METTL8: variants seen among roughly 807,000 people sequenced by gnomAD.
METTL8 encodes the protein methyltransferase 8, tRNA N3-cytidine.
In METTL8, 32 loss-of-function variants were observed where a neutral mutation model predicts 48.7. The observed-to-expected ratio is 0.66, with a 90% CI of 0.50 to 0.88. The LOEUF is 0.88. Among genes scored for constraint, METTL8 ranks in the 40% least tolerant of loss-of-function variants. The pLI is 0.00. For synonymous variants in METTL8, 136 were observed against 157.1 expected (o/e 0.87, Z 1.01); for missense variants, 464 against 474.4 (o/e 0.98, Z 0.20).
At position 171,322,312 on chromosome 2, in the gene METTL8, G is replaced by C. The variant is rs1175187108; in HGVS notation, c.*1860C>G. 1 of 151,896 alleles carries C rather than the reference G, an allele frequency of 6.6e-6. No homozygotes were observed. The highest frequency in any genetic ancestry group is 2.4e-5 in the African/African-American group (1 of 41,348). The allele number at this position is 151,896 out of a possible 1,614,324, so 9.4% of individuals were successfully genotyped here. On this transcript the variant is annotated 3_prime_UTR_variant, in exon 10 of 10. Coordinates refer to ENST00000375258, the MANE Select transcript of METTL8 (RefSeq NM_001321154.2). ...ACTGCCACAATTTAAGAATTCTCTT[G>C]GGTATGACAGTTGTCTTAAACAGAG...
intron 3 of METTL8, among the ~76,000 whole-genome samples, chr2:171,357,495 A>G (rs1575824030): frequency 1.3e-5 from 2 of 152,352 alleles, no homozygotes; most frequent in Middle Eastern, 6.8e-3. Context: ...AAATCTATAC[A>G]GGAAAACTAT....
rs1688625023 is a variant in METTL8, at chr2:171,392,052, T to C, written c.134A>G (p.His45Arg). 10 of 1,551,266 alleles carry C rather than the reference T, an allele frequency of 6.4e-6. No individual in the cohort carries two copies. Among genetic ancestry groups the C allele is most frequent in the Non-Finnish European group, 8.7e-6 (10 of 1,146,868 alleles). ...TAAAAAGAAAACTCACCACATGTTG[T>C]GTTCAAAAACTTTGGCTGGGTCAGT... ...ILTDPAKVFE[H>R]NMWDHMQWSK... The change falls in exon 2 of 10, where the codon CAC (histidine) becomes CGC (arginine). Residue 45 changes from histidine to arginine, a missense_variant. Coordinates refer to ENST00000375258, the MANE Select transcript of METTL8 (RefSeq NM_001321154.2).
At chr2:171,377,445 C>A (rs1687087750) in intron 2 of METTL8, among the ~76,000 whole-genome samples, 1 of 152,142 alleles carries the variant, frequency 6.6e-6, no homozygotes, top group Admixed American at 6.6e-5. Flanking sequence ...GCAGAGTAAA[C>A]AGACAACCCA....
At chr2:171,351,660 C>T (rs1575800101) in intron 3 of METTL8, among the ~76,000 whole-genome samples, 2 of 152,158 alleles carry the variant, frequency 1.3e-5, no homozygotes, top group East Asian at 3.8e-4. Flanking sequence ...TGGTAGTTCT[C>T]CTTGAAGAGG....
intron 3 of METTL8, among the ~76,000 whole-genome samples, chr2:171,356,952 A>ATGTTTTTTTTTTGTTTTTTTTTTT: frequency 3.8e-5 from 3 of 78,468 alleles, no homozygotes; most frequent in African/African-American, 4.5e-5. Flanking sequence ...CAAAGACAAT[A>ATGTTTTTTTTTTGTTTTTTTTTTT]TTTTTTTTTT....
intron 1 of METTL8, among the ~76,000 whole-genome samples, chr2:171,407,120 T>C (rs190011196): frequency 6.6e-6 from 1 of 152,160 alleles, no homozygotes; most frequent in East Asian, 1.9e-4. Flanking sequence ...AAGCCCATGC[T>C]GACTGGGAAA....
rs980293628 is a variant in METTL8, at chr2:171,323,595, A to G, written c.*577T>C. The stretch of plus-strand genomic sequence containing the variant: ...TGTCAGCATGGGCTGTACTTCCCCA[A>G]TTTTAGGAAAGGAAAGAGGAACTAA... On this transcript the variant is annotated 3_prime_UTR_variant, in exon 10 of 10. Coordinates refer to ENST00000375258, the MANE Select transcript of METTL8 (RefSeq NM_001321154.2). 4 of 152,134 alleles carry G rather than the reference A, an allele frequency of 2.6e-5. No homozygotes were observed. The highest frequency in any genetic ancestry group is 6.5e-5 in the Admixed American group (1 of 15,278). 9.4% of individuals were successfully genotyped at this position (152,134 alleles called of 1,614,324 possible).
intron 1 of METTL8, among the ~76,000 whole-genome samples, chr2:171,400,103 G>C (rs529974065): frequency 1.3e-5 from 2 of 151,688 alleles, no homozygotes; most frequent in Non-Finnish European, 2.9e-5. Context: ...CTTATATACA[G>C]TATATTATCT....
upstream of METTL8, chr2:171,434,116 C>A (rs1383495740): frequency 5.9e-6 from 2 of 339,278 alleles, no homozygotes; most frequent in East Asian, 8.7e-5. Flanking sequence ...GAAGCGCGCC[C>A]GCAAGACAGC....
At chr2:171,356,952 A>ATGTTTTGTTTTTTTTTTTTTTT in intron 3 of METTL8, among the ~76,000 whole-genome samples, 5 of 78,468 alleles carry the variant, frequency 6.4e-5, no homozygotes, top group Non-Finnish European at 9.7e-5. Context: ...CAAAGACAAT[A>ATGTTTTGTTTTTTTTTTTTTTT]TTTTTTTTTT....
At chr2:171,416,793 C>T (rs72882305) in intron 1 of METTL8, among the ~76,000 whole-genome samples, 17,065 of 152,244 alleles carry the variant, frequency 0.11, 1,217 homozygotes, top group Middle Eastern at 0.2. Flanking sequence ...GTCACATAGC[C>T]ACAAGAGCCC....
intron 2 of METTL8, among the ~76,000 whole-genome samples, chr2:171,389,469 C>T (rs1180959902): frequency 1.5e-5 from 2 of 137,182 alleles, no homozygotes; most frequent in Non-Finnish European, 1.5e-5. Context: ...GAACCGTGAC[C>T]ACACCACTGC....
chr2:171,338,966 TA>T (rs893888082), intron 4 of METTL8, among the ~76,000 whole-genome samples: 9 of 151,784 alleles, frequency 5.9e-5, no homozygotes, highest in East Asian at 3.9e-4. Flanking sequence ...TTTTTTTTTT[TA>T]AAAACCAGCA....
chr2:171,325,663 A>G (rs1684873971), intron 9 of METTL8, among the ~76,000 whole-genome samples, 178 bp downstream of exon 9: 1 of 152,238 alleles, frequency 6.6e-6, no homozygotes, highest in East Asian at 1.9e-4. Context: ...AAGATTAAAC[A>G]GTAAACGGCC....
intron 7 of METTL8, chr2:171,326,436 A>G (rs562584425): frequency 1.2e-4 from 37 of 313,292 alleles, no homozygotes; most frequent in African/African-American, 7.6e-4. Flanking sequence ...AAACTTCAAA[A>G]CCACAGATGT....
upstream of METTL8, chr2:171,434,767 G>A (rs1390457876): frequency 7.2e-7 from 1 of 1,390,238 alleles, no homozygotes; most frequent in Non-Finnish European, 9.2e-7. Context: ...AGCCTCCTGC[G>A]GGGATGCGGT....
chr2:171,338,775 G>C (rs1353032291), intron 4 of METTL8, among the ~76,000 whole-genome samples: 1 of 151,850 alleles, frequency 6.6e-6, no homozygotes, highest in Non-Finnish European at 1.5e-5. Flanking sequence ...TTTAAAATAA[G>C]AAAGACAGGG....
chr2:171,415,349 CTTTTTTTTT>C (rs762739077), intron 1 of METTL8, among the ~76,000 whole-genome samples: 2,881 of 112,372 alleles, frequency 0.026, 54 homozygotes, highest in Non-Finnish European at 0.033. Context: ...ATCTCGAAAT[CTTTTTTTTT>C]TTTTTTTTTT....
intron 1 of METTL8, among the ~76,000 whole-genome samples, chr2:171,429,943 G>A (rs1692816374): frequency 6.6e-6 from 1 of 151,856 alleles, no homozygotes; most frequent in Non-Finnish European, 1.5e-5. Flanking sequence ...GGGAGGCTAA[G>A]ACAGGAGAAT....
Sources: gnomAD v4.1 joint callset for allele counts (sites outside exome capture counted in the v4.1 genomes callset) on GRCh38, gnomAD v4.1.1 for gene constraint, MANE v1.5 for transcripts, NCBI Gene and HGNC (gene_info 2026-07-23, HGNC 2026-07-21) for gene names.